The following LRRTM4 variants were observed in gnomAD, a reference collection of about 807,000 sequenced individuals.
LRRTM4 encodes the protein leucine-rich repeat transmembrane neuronal protein 4.
Under a neutral mutation model 47.6 loss-of-function variants are expected in LRRTM4, and 25 were observed. That is an observed-to-expected ratio of 0.53 (90% CI 0.38 to 0.73). The LOEUF (loss-of-function observed/expected upper bound fraction) is 0.73, where lower values mean the gene tolerates loss of function less well. LRRTM4 is among the 30% of genes least tolerant of loss of function. LRRTM4 has a pLI of 0.00. For missense variants in LRRTM4, 638 were observed against 713.4 expected, an observed-to-expected ratio of 0.89 and a Z score of 1.20; for synonymous variants, 311 against 269.5, an observed-to-expected ratio of 1.15 and a Z score of -1.51.
At chr2:76,856,623 C>A (rs1372298818) in intron 3 of LRRTM4, among the ~76,000 whole-genome samples, 1 of 152,050 alleles carries the variant, frequency 6.6e-6, no homozygotes, top group Non-Finnish European at 1.5e-5. Flanking sequence ...AAATGTTTAA[C>A]TGATATTTGT....
chr2:76,971,547 C>A (rs1014705121), intron 3 of LRRTM4, among the ~76,000 whole-genome samples: 20 of 151,942 alleles, frequency 1.3e-4, no homozygotes, highest in African/African-American at 4.8e-4. Flanking sequence ...TGGCAGGGCT[C>A]CAGACTCAAG....
intron 3 of LRRTM4, among the ~76,000 whole-genome samples, chr2:77,364,790 C>T (rs1558708764): frequency 6.6e-6 from 1 of 152,036 alleles, no homozygotes; most frequent in South Asian, 2.1e-4. Flanking sequence ...AATCATAAGC[C>T]GAACCCTCTC....
chr2:77,061,407 A>G (rs1445400554), intron 3 of LRRTM4, among the ~76,000 whole-genome samples: 1 of 152,160 alleles, frequency 6.6e-6, no homozygotes, highest in African/African-American at 2.4e-5. Flanking sequence ...AAACAGAAAT[A>G]ATAAACCTGC....
At chr2:76,749,057 C>A (rs1672754646) in intron 3 of LRRTM4, 141 bp from the exon 4 acceptor site, 2 of 654,714 alleles carry the variant, frequency 3.1e-6, no homozygotes, top group Non-Finnish European at 5.4e-6. Context: ...TAAACATTAA[C>A]AAAATGATGA....
rs1022325161 is a variant in LRRTM4, at chr2:77,136,697, G to A, written c.1551+381621C>T. Among the ~76,000 whole-genome samples the A allele has an allele frequency of 7.2e-5, 11 of 152,068 alleles. 1 individual carries two copies. The highest frequency in any genetic ancestry group is 1.9e-4 in the East Asian group (1 of 5,182). On this transcript the variant is annotated intron_variant, in intron 3 of 3. Transcript: ENST00000409884. ...TTCTCCGAGCTAAAGGAGAAAGTTC[G>A]AAACCATGGCAAAGAAGCTAAAAAC...
intron 3 of LRRTM4, among the ~76,000 whole-genome samples, chr2:77,151,309 C>A (rs1672413044): frequency 6.6e-6 from 1 of 152,110 alleles, no homozygotes; most frequent in African/African-American, 2.4e-5. Flanking sequence ...ACTCATTGAA[C>A]AATAACTCCC....
intron 3 of LRRTM4, among the ~76,000 whole-genome samples, chr2:76,929,093 C>T (rs1052255043): frequency 1.5e-4 from 23 of 152,114 alleles, no homozygotes; most frequent in Admixed American, 2.0e-4. Flanking sequence ...ATAATGTTGA[C>T]TACATATTTT....
At chr2:77,250,050 C>A (rs1675560332) in intron 3 of LRRTM4, among the ~76,000 whole-genome samples, 1 of 152,002 alleles carries the variant, frequency 6.6e-6, no homozygotes, top group South Asian at 2.1e-4. Context: ...TAAATTATTA[C>A]ATGAAAGAAA....
At chr2:77,345,650 A>C (rs1448948595) in intron 3 of LRRTM4, among the ~76,000 whole-genome samples, 2 of 152,054 alleles carry the variant, frequency 1.3e-5, no homozygotes, top group Non-Finnish European at 2.9e-5. Flanking sequence ...TCACCTCCTG[A>C]CTTGCTGGTA....
At chr2:76,950,851 T>G (rs1675471376) in intron 3 of LRRTM4, among the ~76,000 whole-genome samples, 1 of 152,032 alleles carries the variant, frequency 6.6e-6, no homozygotes, top group South Asian at 2.1e-4. Flanking sequence ...TAGGCTAAAA[T>G]GAACTAGAGT....
intron 3 of LRRTM4, among the ~76,000 whole-genome samples, chr2:77,061,778 A>T (rs533693882): frequency 6.6e-6 from 1 of 152,288 alleles, no homozygotes; most frequent in African/African-American, 2.4e-5. Context: ...AATGTGAACA[A>T]TCATGAGTTA....
chr2:77,186,858 T>G (rs1673518971), intron 3 of LRRTM4, among the ~76,000 whole-genome samples: 1 of 152,190 alleles, frequency 6.6e-6, no homozygotes, highest in Non-Finnish European at 1.5e-5. Flanking sequence ...CCCAAGAAGC[T>G]GCCGGTATGT....
chr2:77,340,648 A>T (rs1666000999), intron 3 of LRRTM4, among the ~76,000 whole-genome samples: 1 of 151,986 alleles, frequency 6.6e-6, no homozygotes. Flanking sequence ...AATTCAAGTT[A>T]GTGTAGAAAT....
At chr2:76,812,307 G>A (rs775790782) in intron 3 of LRRTM4, among the ~76,000 whole-genome samples, 1 of 152,052 alleles carries the variant, frequency 6.6e-6, no homozygotes, top group African/African-American at 2.4e-5. Context: ...TATATGCCTG[G>A]CACTATAGAA....
chr2:76,785,482 T>A (rs918132789), intron 3 of LRRTM4, among the ~76,000 whole-genome samples: 4 of 152,136 alleles, frequency 2.6e-5, no homozygotes, highest in Non-Finnish European at 5.9e-5. Context: ...GCAGATCATA[T>A]GGGTACGTCA....
At position 77,013,047 on chromosome 2, in the gene LRRTM4, A is replaced by AATGCATGAATGAATGCAACAGGATGAGT. The variant is rs1677931813; in HGVS notation, c.1552-264132_1552-264131insACTCATCCTGTTGCATTCATTCATGCAT. Among the ~76,000 whole-genome samples the AATGCATGAATGAATGCAACAGGATGAGT allele has an allele frequency of 2.0e-5, 3 of 152,236 alleles. No individual in the cohort carries two copies. The South Asian group carries it at 6.2e-4, about 31-fold the overall frequency. On this transcript the variant is annotated intron_variant, in intron 3 of 3. Transcript: ENST00000409884. The stretch of plus-strand genomic sequence containing the variant: ...ACAACAGGATGAGTGCATGCATAAT[A>AATGCATGAATGAATGCAACAGGATGAGT]GCATGAATGAATGGATAACCTTCTC...
chr2:77,411,642 T>TTC (rs1305143784), intron 3 of LRRTM4, among the ~76,000 whole-genome samples: 1 of 136,360 alleles, frequency 7.3e-6, no homozygotes, highest in African/African-American at 2.7e-5. Context: ...TTTTTTTTTT[T>TTC]TGTAATTTTA....
intron 3 of LRRTM4, among the ~76,000 whole-genome samples, chr2:77,029,768 T>A (rs1413475732): frequency 6.6e-6 from 1 of 152,104 alleles, no homozygotes; most frequent in African/African-American, 2.4e-5. Context: ...CAAGAAACAT[T>A]CTTGAGCAGA....
At chr2:76,955,408 C>A (rs1193659177) in intron 3 of LRRTM4, among the ~76,000 whole-genome samples, 1 of 151,522 alleles carries the variant, frequency 6.6e-6, no homozygotes, top group East Asian at 1.9e-4. Flanking sequence ...CAGATTGTTA[C>A]CATGATAAGG....
Sources: gnomAD v4.1 joint callset for allele counts (sites outside exome capture counted in the v4.1 genomes callset) on GRCh38, gnomAD v4.1.1 for gene constraint, MANE v1.5 for transcripts, NCBI Gene and HGNC (gene_info 2026-07-23, HGNC 2026-07-21) for gene names.